The following LDAH variants were observed in gnomAD, a reference collection of about 807,000 sequenced individuals.
LDAH encodes lipid droplet associated hydrolase.
A neutral mutation model predicts 29.6 loss-of-function variants in LDAH; 26 were observed. The observed-to-expected ratio is 0.88, with a 90% CI of 0.64 to 1.22. The LOEUF (loss-of-function observed/expected upper bound fraction) is 1.22. Ranked by LOEUF, LDAH falls within the 50% of genes most tolerant of loss-of-function variation. The pLI is 0.00. For synonymous variants in LDAH, 117 were observed against 133.0 expected, an observed-to-expected ratio of 0.88 and a Z score of 0.83; for missense variants, 344 against 387.3, an observed-to-expected ratio of 0.89 and a Z score of 0.94.
rs534085839 is a variant in LDAH at position 20,776,501 on chromosome 2, A to G, written c.299-1522T>C. Reference sequence around the variant, plus strand: ...TATTGAAAAGCTTTTTCTTGACTCAATGAGGCTTACTTCCCTATTTCCATA... The same window carrying G: ...TATTGAAAAGCTTTTTCTTGACTCAGTGAGGCTTACTTCCCTATTTCCATA... On this transcript the variant is annotated intron_variant, in intron 3 of 6. Transcript: ENST00000237822. Among the ~76,000 whole-genome samples, 30 of 152,298 alleles carry G rather than the reference A, an allele frequency of 2.0e-4. 3 individuals are homozygous for G. Among genetic ancestry groups the G allele is most frequent in the African/African-American group, 5.1e-4 (21 of 41,578 alleles).
At chr2:20,712,471 G>C (rs1002930008) in intron 5 of LDAH, among the ~76,000 whole-genome samples, 3 of 152,162 alleles carry the variant, frequency 2.0e-5, no homozygotes, top group Admixed American at 1.3e-4. Flanking sequence ...AAACCAGAGT[G>C]GCTCTTCTAC....
At position 20,685,611 on chromosome 2, in the gene LDAH, G is replaced by A. The variant is rs748752750; in HGVS notation, c.*1292C>T. The A allele has an allele frequency of 5.9e-5, 92 of 1,550,302 alleles. No individual in the cohort carries two copies. The South Asian group carries it at 1.1e-3, about 18-fold the overall frequency. Reference sequence around the variant, plus strand: ...GGGGGCTTTAGGATTTGAGCGGAGGGACATCTCATTGTCCTTAGGGAATGA... The same window carrying A: ...GGGGGCTTTAGGATTTGAGCGGAGGAACATCTCATTGTCCTTAGGGAATGA... On this transcript the variant is annotated 3_prime_UTR_variant, in exon 7 of 7. Coordinates refer to ENST00000237822, the MANE Select transcript of LDAH (RefSeq NM_021925.4).
At chr2:20,786,661 G>T (rs1224019070) in intron 3 of LDAH, among the ~76,000 whole-genome samples, 1 of 152,126 alleles carries the variant, frequency 6.6e-6, no homozygotes, top group East Asian at 1.9e-4. Context: ...TAAGGTAGAG[G>T]CCTGTAGACA....
intron 1 of LDAH, among the ~76,000 whole-genome samples, chr2:20,815,935 A>G (rs1455746238): frequency 1.3e-5 from 2 of 152,132 alleles, no homozygotes; most frequent in Non-Finnish European, 2.9e-5. Flanking sequence ...ACGTTATAAC[A>G]ACATTTGATG....
chr2:20,710,617 TATAG>T (rs1397601539), intron 5 of LDAH, among the ~76,000 whole-genome samples: 2 of 132,882 alleles, frequency 1.5e-5, no homozygotes, highest in African/African-American at 5.3e-5. Context: ...TATATATATA[TATAG>T]ATATATATAT....
intron 2 of LDAH, 125 bp from the exon 3 acceptor site, chr2:20,790,523 G>A (rs965952909): frequency 4.2e-5 from 31 of 742,768 alleles, no homozygotes; most frequent in Non-Finnish European, 1.1e-5. Flanking sequence ...GAGTACCCAA[G>A]AGAGATTATC....
At chr2:20,761,116 G>A (rs143753239) in intron 4 of LDAH, among the ~76,000 whole-genome samples, 156 of 152,222 alleles carry the variant, frequency 1.0e-3, no homozygotes, top group African/African-American at 3.7e-3. Context: ...GCTAACTCTT[G>A]CTGCTGATCT....
intron 4 of LDAH, among the ~76,000 whole-genome samples, chr2:20,745,667 TA>T (rs1667518517): frequency 6.6e-6 from 1 of 151,972 alleles, no homozygotes; most frequent in Non-Finnish European, 1.5e-5. Context: ...AAATATATAT[TA>T]AAAAATAAGA....
chr2:20,685,687 T>A lies in LDAH; in HGVS notation c.*1216A>T. The A allele has an allele frequency of 6.5e-7, 1 of 1,543,844 alleles. No homozygotes were observed. Among genetic ancestry groups the A allele is most frequent in the Non-Finnish European group, 8.7e-7 (1 of 1,144,870 alleles). ...GAGAAAAAGGAATATTTCTGATCCA[T>A]GATCAACTGTCACTGCAGTATGTGG... is the stretch of plus-strand genomic sequence containing the variant. On this transcript the variant is annotated 3_prime_UTR_variant, in exon 7 of 7. Coordinates refer to ENST00000237822, the MANE Select transcript of LDAH (RefSeq NM_021925.4).
At chr2:20,708,550 C>G (rs183928301) in intron 5 of LDAH, among the ~76,000 whole-genome samples, 1 of 152,238 alleles carries the variant, frequency 6.6e-6, no homozygotes, top group East Asian at 1.9e-4. Context: ...ACTGATCAGT[C>G]AAAACTGATG....
At chr2:20,695,548 G>A (rs1663387981) in intron 6 of LDAH, among the ~76,000 whole-genome samples, 1 of 151,738 alleles carries the variant, frequency 6.6e-6, no homozygotes, top group Non-Finnish European at 1.5e-5. Context: ...CCCCTCCTGG[G>A]TTCAAGCAAT....
At chr2:20,784,673 C>A (rs1317987646) in intron 3 of LDAH, among the ~76,000 whole-genome samples, 1 of 151,794 alleles carries the variant, frequency 6.6e-6, no homozygotes, top group African/African-American at 2.4e-5. Context: ...TCGCTTGAGC[C>A]CAAGGAGTTC....
intron 1 of LDAH, among the ~76,000 whole-genome samples, chr2:20,803,362 C>T (rs1481084260): frequency 6.6e-6 from 1 of 152,202 alleles, no homozygotes; most frequent in Non-Finnish European, 1.5e-5. Flanking sequence ...TGGCTACTCC[C>T]CAGCCCCTCT....
intron 5 of LDAH, among the ~76,000 whole-genome samples, chr2:20,738,721 T>C (rs1229508501): frequency 1.3e-5 from 2 of 150,182 alleles, no homozygotes; most frequent in African/African-American, 4.9e-5. Flanking sequence ...GCTAAGGGTA[T>C]ATTAAAGAAT....
At chr2:20,753,712 C>T (rs1001251357) in intron 4 of LDAH, among the ~76,000 whole-genome samples, 5 of 152,184 alleles carry the variant, frequency 3.3e-5, no homozygotes, top group African/African-American at 1.2e-4. Context: ...GCCTTAAAGC[C>T]TTTGTAATAA....
At chr2:20,717,084 T>C (rs1665269132) in intron 5 of LDAH, among the ~76,000 whole-genome samples, 1 of 152,146 alleles carries the variant, frequency 6.6e-6, no homozygotes, top group Admixed American at 6.5e-5. Flanking sequence ...ATTTCTACCT[T>C]CAACTTTACA....
intron 1 of LDAH, among the ~76,000 whole-genome samples, chr2:20,815,046 A>G (rs1672756940): frequency 6.6e-6 from 1 of 152,226 alleles, no homozygotes; most frequent in South Asian, 2.1e-4. Context: ...TAGTTTTTCC[A>G]AGAAATTCCA....
At chr2:20,817,449 T>A (rs751348478) in intron 1 of LDAH, among the ~76,000 whole-genome samples, 1 of 152,058 alleles carries the variant, frequency 6.6e-6, no homozygotes, top group African/African-American at 2.4e-5. Context: ...CTCATACCTA[T>A]ACCTTAACCT....
At chr2:20,804,696 AT>A (rs1310206125) in intron 1 of LDAH, among the ~76,000 whole-genome samples, 1 of 151,994 alleles carries the variant, frequency 6.6e-6, no homozygotes, top group Non-Finnish European at 1.5e-5. Context: ...TTTATTGTTT[AT>A]TCTGTTAATT....
Sources: allele counts gnomAD v4.1 joint callset (sites outside exome capture counted in the v4.1 genomes callset), GRCh38; gene constraint gnomAD v4.1.1; transcripts MANE v1.5; gene names NCBI Gene and HGNC (gene_info 2026-07-23, HGNC 2026-07-21).